COMMD10: variants seen among roughly 807,000 people sequenced by gnomAD.
COMMD10 encodes COMM domain containing 10, also known as COMM domain-containing protein 10.
In COMMD10, 33 loss-of-function variants were observed where a neutral mutation model predicts 28.9. The observed-to-expected ratio is 1.14, with a 90% confidence interval of 0.87 to 1.53. The LOEUF (loss-of-function observed/expected upper bound fraction) is 1.53. Among genes scored for constraint, COMMD10 ranks in the 40% most tolerant of loss-of-function variants. The pLI is 0.00. For missense variants in COMMD10, 310 were observed against 233.4 expected (o/e 1.33, Z -2.14); for synonymous variants, 110 against 81.7 (o/e 1.35, Z -1.87).
chr5:116,139,323 G>C (rs7708887), intron 5 of COMMD10, among the ~76,000 whole-genome samples: 1 of 151,674 alleles, frequency 6.6e-6, no homozygotes, highest in African/African-American at 2.4e-5. Context: ...CAGTTCAACA[G>C]AGGCTGCCTT....
At position 116,195,251 on chromosome 5, in the gene COMMD10, G is replaced by A. The variant is rs1189272574; in HGVS notation, c.510+61073G>A. Reference sequence around the variant, plus strand: ...TTGAAAGCATTTCCTCTGAGAACTGGAACAAGATAAGGATACCTACTCTCC... The same window carrying A: ...TTGAAAGCATTTCCTCTGAGAACTGAAACAAGATAAGGATACCTACTCTCC... On this transcript the variant is annotated intron_variant, in intron 5 of 6. Coordinates refer to ENST00000274458, the MANE Select transcript of COMMD10 (RefSeq NM_016144.4). Among the ~76,000 whole-genome samples, 3 of 152,176 alleles carry A rather than the reference G, an allele frequency of 2.0e-5. No homozygotes were observed. In the East Asian group the frequency reaches 5.8e-4, roughly 29 times the overall value.
At chr5:116,291,280 TA>T (rs1474755807) in intron 5 of COMMD10, among the ~76,000 whole-genome samples, 1 of 152,212 alleles carries the variant, frequency 6.6e-6, no homozygotes, top group Non-Finnish European at 1.5e-5. Flanking sequence ...TATGTTTTAT[TA>T]ACCTTCGTAG....
chr5:116,226,940 C>T (rs1299823003), intron 5 of COMMD10, among the ~76,000 whole-genome samples: 2 of 151,998 alleles, frequency 1.3e-5, no homozygotes, highest in Non-Finnish European at 2.9e-5. Flanking sequence ...GACGTTCTCC[C>T]ATTTCACTCT....
intron 5 of COMMD10, among the ~76,000 whole-genome samples, chr5:116,265,679 A>G (rs1750565499): frequency 6.6e-6 from 1 of 151,818 alleles, no homozygotes; most frequent in African/African-American, 2.4e-5. Context: ...CAGTGATTGC[A>G]AACACTTGCA....
chr5:116,178,014 A>C (rs946527310), intron 5 of COMMD10, among the ~76,000 whole-genome samples: 1 of 152,176 alleles, frequency 6.6e-6, no homozygotes, highest in African/African-American at 2.4e-5. Context: ...GATAGGGTTC[A>C]GAATGGTACA....
chr5:116,108,741 A>G (rs555600610), intron 4 of COMMD10, among the ~76,000 whole-genome samples: 1 of 151,686 alleles, frequency 6.6e-6, no homozygotes, highest in East Asian at 1.9e-4. Flanking sequence ...TGAAAAAAAC[A>G]AACAAACAAA....
chr5:116,156,131 TA>T (rs1162393918), intron 5 of COMMD10, among the ~76,000 whole-genome samples: 1 of 152,090 alleles, frequency 6.6e-6, no homozygotes, highest in Non-Finnish European at 1.5e-5. Flanking sequence ...ATGTACAAAA[TA>T]AAGGGTTAAG....
At chr5:116,156,554 C>T (rs535757911) in intron 5 of COMMD10, among the ~76,000 whole-genome samples, 13 of 152,032 alleles carry the variant, frequency 8.6e-5, no homozygotes, top group African/African-American at 1.4e-4. Context: ...GCAACATTTT[C>T]GTTCTACTTC....
intron 5 of COMMD10, among the ~76,000 whole-genome samples, chr5:116,195,565 AAAAT>A (rs1748492363): frequency 6.6e-6 from 1 of 152,132 alleles, no homozygotes; most frequent in Non-Finnish European, 1.5e-5. Flanking sequence ...ACAATAGCAA[AAAAT>A]AAATAAGTAA....
intron 5 of COMMD10, among the ~76,000 whole-genome samples, chr5:116,256,482 C>A (rs1750289604): frequency 6.6e-6 from 1 of 151,636 alleles, no homozygotes; most frequent in Admixed American, 6.6e-5. Context: ...CAGTTAAGAT[C>A]TGAAGAATCT....
intron 5 of COMMD10, among the ~76,000 whole-genome samples, chr5:116,225,062 T>C (rs1749356540): frequency 6.6e-6 from 1 of 152,160 alleles, no homozygotes. Flanking sequence ...CTGATTCTTT[T>C]GCCATTTCCA....
At chr5:116,101,932 T>G (rs567517980) in intron 4 of COMMD10, among the ~76,000 whole-genome samples, 25 of 152,188 alleles carry the variant, frequency 1.6e-4, no homozygotes, top group Non-Finnish European at 2.9e-4. Context: ...GTTCAGTTGT[T>G]TGGGTTTTTT....
intron 3 of COMMD10, 81 bp downstream of exon 3, chr5:116,091,270 T>TCGG: frequency 9.6e-6 from 6 of 622,016 alleles, no homozygotes; most frequent in Non-Finnish European, 1.6e-5. Flanking sequence ...GACATTCTGT[T>TCGG]TTTTTTAATT....
intron 5 of COMMD10, among the ~76,000 whole-genome samples, chr5:116,205,366 A>G (rs562926499): frequency 6.6e-6 from 1 of 152,290 alleles, no homozygotes; most frequent in Non-Finnish European, 1.5e-5. Flanking sequence ...CTTAATTAGT[A>G]TACTACCTAT....
intron 5 of COMMD10, among the ~76,000 whole-genome samples, chr5:116,214,479 A>G (rs1429520104): frequency 6.6e-6 from 1 of 152,194 alleles, no homozygotes; most frequent in Admixed American, 6.5e-5. Flanking sequence ...TAATTGTTAC[A>G]GGCACTTTTA....
intron 5 of COMMD10, among the ~76,000 whole-genome samples, chr5:116,246,751 T>A (rs1749960706): frequency 6.6e-6 from 1 of 152,152 alleles, no homozygotes; most frequent in Non-Finnish European, 1.5e-5. Context: ...GGATTCCTAT[T>A]AAATAAATAG....
At chr5:116,261,330 T>C (rs2112686004) in intron 5 of COMMD10, among the ~76,000 whole-genome samples, 1 of 151,860 alleles carries the variant, frequency 6.6e-6, no homozygotes, top group African/African-American at 2.4e-5. Flanking sequence ...TGCTATTTGC[T>C]TTTAAGGTTT....
At chr5:116,098,292 A>G (rs912784821) in intron 4 of COMMD10, among the ~76,000 whole-genome samples, 5 of 152,218 alleles carry the variant, frequency 3.3e-5, no homozygotes, top group South Asian at 2.1e-4. Flanking sequence ...ACTGACTTAT[A>G]TGATGAAAAA....
chr5:116,215,630 T>C (rs767718004), intron 5 of COMMD10, among the ~76,000 whole-genome samples: 1 of 149,080 alleles, frequency 6.7e-6, no homozygotes, highest in Non-Finnish European at 1.5e-5. Context: ...GAGGTTGCAG[T>C]GAGCTGAGAT....
Sources: gnomAD v4.1 joint callset for allele counts (sites outside exome capture counted in the v4.1 genomes callset) on GRCh38, gnomAD v4.1.1 for gene constraint, MANE v1.5 for transcripts, NCBI Gene and HGNC (gene_info 2026-07-23, HGNC 2026-07-21) for gene names.